Variants in PCDHGB6 observed in about 807,000 individuals in gnomAD.
PCDHGB6 encodes the protein protocadherin gamma-B6.
A neutral mutation model predicts 59.1 loss-of-function variants in PCDHGB6; 51 were observed. That is an observed-to-expected ratio of 0.86 (90% confidence interval 0.69 to 1.09). PCDHGB6 has a LOEUF of 1.09. PCDHGB6 is among the 50% of genes least tolerant of loss of function. The pLI, the probability that PCDHGB6 is intolerant of heterozygous loss-of-function variation, is 0.00. For synonymous variants in PCDHGB6, 466 were observed against 495.1 expected (o/e 0.94, Z 0.78); for missense variants, 1,148 against 1,205.1 (o/e 0.95, Z 0.70).
chr5:141,410,849 C>CTTTTTTTTTTT lies in PCDHGB6; in HGVS notation c.2418+241_2418+251dup, dbSNP rs759346998. On this transcript the variant is annotated intron_variant, in intron 1 of 3. Coordinates refer to ENST00000520790, the MANE Select transcript of PCDHGB6 (RefSeq NM_018926.3). ...CAGACTGAAGATATTTTGTCTTTGT[C>CTTTTTTTTTTT]TTTTTTTTTTTTTTTTTTTTTTGAG... 217 of 138,154 alleles carry CTTTTTTTTTTT rather than the reference C, an allele frequency of 1.6e-3. 10 individuals carry two copies. The highest frequency in any genetic ancestry group is 4.0e-3 in the African/African-American group (66 of 16,622). The allele number at this position is 138,154 out of a possible 1,614,324, so 8.6% of individuals were successfully genotyped here.
Position 141,505,229 on chromosome 5 carries a change from G to T in PCDHGB6, c.2478-164G>T, listed in dbSNP as rs116169437. 9.5e-4 allele frequency: 809 copies of T among 847,460 alleles called. 6 individuals carry two copies. In the African/African-American group the frequency reaches 0.013, roughly 13 times the overall value. 52.5% of individuals were successfully genotyped at this position (847,460 alleles called of 1,614,324 possible). ...TGAGGGACTGACTTGTGGGATTCTG[G>T]CTTCTGAAGGATTGTAGAAGTGCCT... On this transcript the variant is annotated intron_variant, in intron 2 of 3. Coordinates refer to ENST00000520790, the MANE Select transcript of PCDHGB6 (RefSeq NM_018926.3).
At chr5:141,500,822 T>A (rs1377955680) in intron 2 of PCDHGB6, among the ~76,000 whole-genome samples, 1 of 152,240 alleles carries the variant, frequency 6.6e-6, no homozygotes, top group African/African-American at 2.4e-5. Context: ...TACATATTAT[T>A]TTTCTAATGC....
At chr5:141,465,338 G>C (rs908157154) in intron 1 of PCDHGB6, among the ~76,000 whole-genome samples, 6 of 151,962 alleles carry the variant, frequency 3.9e-5, no homozygotes, top group Admixed American at 2.6e-4. Context: ...TTTTATATTG[G>C]TTACTGAAGA....
chr5:141,490,045 C>T lies in PCDHGB6; in HGVS notation c.2419-4762C>T, dbSNP rs530803072. On this transcript the variant is annotated intron_variant, in intron 1 of 3. Transcript: ENST00000520790. The surrounding 1 kb of genome is among the most constrained non-coding windows in gnomAD (Gnocchi z 5.4). ...GCTGCTCCGCCTCAATGCCACTGAT[C>T]CAGACGAGGGCACCAACGGCCAACT... 1.2e-5 allele frequency: 19 copies of T among 1,614,114 alleles called. No individual in the cohort carries two copies. Among genetic ancestry groups the T allele is most frequent in the Admixed American group, 1.2e-4 (7 of 60,014 alleles).
chr5:141,477,253 G>A lies in PCDHGB6; in HGVS notation c.2419-17554G>A, dbSNP rs1303718568. The A allele has an allele frequency of 1.9e-6, 3 of 1,614,154 alleles. No individual in the cohort carries two copies. The highest frequency in any genetic ancestry group is 2.2e-5 in the South Asian group (2 of 91,070). Reference sequence around the variant, plus strand: ...TCGCTTTGCTCAGTGTGACTGACCTGGATGCTGGCGAGAACGGGCTGGTGA... The same window carrying A: ...TCGCTTTGCTCAGTGTGACTGACCTAGATGCTGGCGAGAACGGGCTGGTGA... On this transcript the variant is annotated intron_variant, in intron 1 of 3. Transcript: ENST00000520790. This position sits in a 1 kb window ranked among gnomAD's most constrained non-coding sequence, Gnocchi z 4.9.
intron 1 of PCDHGB6, among the ~76,000 whole-genome samples, chr5:141,492,586 G>C (rs1451055991): frequency 6.6e-6 from 1 of 152,220 alleles, no homozygotes; most frequent in Admixed American, 6.5e-5. Context: ...GGGGCCAGGA[G>C]CGCTGGAGCG....
chr5:141,450,386 A>T (rs1208546397), intron 1 of PCDHGB6, among the ~76,000 whole-genome samples: 2 of 152,192 alleles, frequency 1.3e-5, no homozygotes, highest in Non-Finnish European at 2.9e-5. Flanking sequence ...TGAAACTGAC[A>T]TTTGTAAAGA....
rs2095372140 is a variant in PCDHGB6, at chr5:141,410,251, C to A, written c.2049C>A (p.Asp683Glu). ...PDLSDRPVLS[D>E]PQAELQFYLV... The stretch of plus-strand genomic sequence containing the variant: ...TCAGCGACCGCCCTGTACTCTCTGA[C>A]CCCCAGGCTGAACTGCAGTTTTACC... The change falls in exon 1 of 4, where the codon GAC (aspartate) becomes GAA (glutamate). Residue 683 changes from aspartate (D) to glutamate (E), a missense_variant. Asp to Glu is a conservative substitution (Grantham distance 45). Around this residue, in one of 5 missense-constraint regions of PCDHGB6, gnomAD observed 283 missense variants for 318.6 expected, o/e 0.89. Coordinates refer to ENST00000520790, the MANE Select transcript of PCDHGB6 (RefSeq NM_018926.3). 5 of 1,613,898 alleles carry A rather than the reference C, an allele frequency of 3.1e-6. No individual in the cohort carries two copies. Among genetic ancestry groups the A allele is most frequent in the African/African-American group, 1.3e-5 (1 of 74,940 alleles).
rs2095279232 is a variant in PCDHGB6 at position 141,409,531 on chromosome 5, T to C, written c.1329T>C (p.Ala443=). 1 of 1,613,870 alleles carries C rather than the reference T, an allele frequency of 6.2e-7. No homozygotes were observed. Among genetic ancestry groups the C allele is most frequent in the Non-Finnish European group, 8.5e-7 (1 of 1,179,912 alleles). Residue 443 remains alanine, a synonymous_variant, in exon 1 of 4, where the codon GCT becomes GCC. Transcript: ENST00000520790. ...SSSRSITLYV[A]DINDNAPVFD... is the part of the protein sequence containing the mutation. ...GTAGAAGCATCACCTTGTATGTCGCTGACATCAACGACAACGCCCCAGTTT... is the reference window on the plus strand; with the variant it reads ...GTAGAAGCATCACCTTGTATGTCGCCGACATCAACGACAACGCCCCAGTTT...
intron 1 of PCDHGB6, chr5:141,428,129 C>T (rs1449809875): frequency 1.2e-6 from 2 of 1,603,336 alleles, no homozygotes; most frequent in Non-Finnish European, 1.7e-6. Context: ...CCGGGCTTTT[C>T]AGCCTGGGGC....
intron 1 of PCDHGB6, chr5:141,413,440 A>G (rs4912751): frequency 0.46 from 738,760 of 1,613,878 alleles, 177,316 homozygotes; most frequent in African/African-American, 0.83. Flanking sequence ...CGGCAGCTTG[A>G]TCACCGCGGG....
At chr5:141,510,653 T>G (rs1388568365) in intron 3 of PCDHGB6, among the ~76,000 whole-genome samples, 1 of 152,184 alleles carries the variant, frequency 6.6e-6, no homozygotes, top group Non-Finnish European at 1.5e-5. Context: ...ATCCCCATTT[T>G]GCAGATGAGA....
Position 141,486,362 on chromosome 5 carries a change from C to A in PCDHGB6, c.2419-8445C>A. On this transcript the variant is annotated intron_variant, in intron 1 of 3. Coordinates refer to ENST00000520790, the MANE Select transcript of PCDHGB6 (RefSeq NM_018926.3). The surrounding 1 kb of genome is among the most constrained non-coding windows in gnomAD (Gnocchi z 5.0). ...CATTCCTGACCACTTGCCATTTGCC[C>A]TCAAGTCTGCCTTCAGGAACCAGTT... The A allele has an allele frequency of 6.2e-7, 1 of 1,614,132 alleles. No individual in the cohort carries two copies. The highest frequency in any genetic ancestry group is 1.7e-5 in the Admixed American group (1 of 60,024).
At chr5:141,498,105 G>A (rs150297456) in intron 2 of PCDHGB6, among the ~76,000 whole-genome samples, 4 of 152,206 alleles carry the variant, frequency 2.6e-5, no homozygotes, top group African/African-American at 9.7e-5. Flanking sequence ...TGGTGTGGGC[G>A]TATAATAGGG....
chr5:141,419,395 G>T (rs374575981), intron 1 of PCDHGB6: 50 of 1,613,478 alleles, frequency 3.1e-5, no homozygotes, highest in Non-Finnish European at 4.0e-5. Flanking sequence ...CGCAGAGCGG[G>T]GTGGTGTTCG....
intron 1 of PCDHGB6, among the ~76,000 whole-genome samples, chr5:141,488,563 C>T (rs1352750895): frequency 1.3e-5 from 2 of 152,134 alleles, no homozygotes; most frequent in Admixed American, 6.6e-5. Flanking sequence ...TTGAGATTTC[C>T]GCAAAGCATT....
intron 3 of PCDHGB6, among the ~76,000 whole-genome samples, chr5:141,506,904 C>T (rs55892286): frequency 0.2 from 30,589 of 152,050 alleles, 3,131 homozygotes; most frequent in Middle Eastern, 0.24. Flanking sequence ...ACTGTCATCA[C>T]ACCTGGGCAC....
chr5:141,419,651 TC>T, intron 1 of PCDHGB6: 28 of 1,612,632 alleles, frequency 1.7e-5, no homozygotes, highest in Non-Finnish European at 2.3e-5. Flanking sequence ...GGACGCGGAC[TC>T]GGGGCACAAT....
intron 1 of PCDHGB6, chr5:141,415,531 C>G (rs777787905): frequency 1.2e-6 from 2 of 1,614,030 alleles, no homozygotes; most frequent in Non-Finnish European, 1.7e-6. Context: ...GCTCATCAGC[C>G]AGGAGAGCTG....
Sources: allele counts gnomAD v4.1 joint callset (sites outside exome capture counted in the v4.1 genomes callset), GRCh38; gene constraint gnomAD v4.1.1; regional missense constraint gnomAD v4.1.1; non-coding constraint Gnocchi (gnomAD v3.1); transcripts MANE v1.5; gene names NCBI Gene and HGNC (gene_info 2026-07-23, HGNC 2026-07-21).